MCM3AP: variants seen among roughly 807,000 people sequenced by gnomAD.
The protein encoded by MCM3AP is germinal-center associated nuclear protein.
A neutral mutation model predicts 184.1 loss-of-function variants in MCM3AP; 126 were observed. That is an observed-to-expected ratio of 0.68 (90% CI 0.59 to 0.79). The LOEUF (loss-of-function observed/expected upper bound fraction) is 0.79, where lower values mean the gene tolerates loss of function less well. Ranked by LOEUF, MCM3AP falls within the 30% of genes least tolerant of loss-of-function variation. The pLI is 0.00. For missense variants in MCM3AP, 2,496 were observed against 2,479.2 expected (o/e 1.01, Z -0.14); for synonymous variants, 1,002 against 979.3 (o/e 1.02, Z -0.43).
At chr21:46,276,293 CTAA>C (rs958149419) in intron 5 of MCM3AP, among the ~76,000 whole-genome samples, 17 of 123,696 alleles carry the variant, frequency 1.4e-4, no homozygotes, top group African/African-American at 3.3e-4. Context: ...ATTCTAATAC[CTAA>C]TAATAATTTT....
At position 46,235,318 on chromosome 21, in the gene MCM3AP, C is replaced by T. The variant is rs756080303; in HGVS notation, c.5893G>A (p.Val1965Ile). 3 of 1,614,234 alleles carry T rather than the reference C, an allele frequency of 1.9e-6. No individual in the cohort carries two copies. The highest frequency in any genetic ancestry group is 2.5e-6 in the Non-Finnish European group (3 of 1,180,044). Residue 1965 changes from valine to isoleucine, a missense_variant, in exon 28 of 28, where the codon GTT becomes ATT. Val to Ile is a conservative substitution (Grantham distance 29). Transcript: ENST00000291688. ...GCAGAGAGATGGAGCTCAGAGGCAA[C>T]TTCCTCTTCCCTTGAACTCCGGATC... ...RLIRSSREEEVASELHLSALL... is the reference protein window; with the variant it reads ...RLIRSSREEEIASELHLSALL...
intron 26 of MCM3AP, 121 bp from the exon 27 acceptor site, chr21:46,237,100 ATTT>A (rs10552880): frequency 6.3e-3 from 1,336 of 212,680 alleles, no homozygotes; most frequent in Middle Eastern, 0.015. Context: ...ATTTTATATA[ATTT>A]TTTTTTTTTT....
intron 4 of MCM3AP, among the ~76,000 whole-genome samples, chr21:46,279,479 C>T (rs957888091): frequency 6.6e-6 from 1 of 152,360 alleles, no homozygotes. Context: ...CGCCAGCCTG[C>T]GTGTGTCCCA....
intron 25 of MCM3AP, chr21:46,241,952 G>C (rs1044420355): frequency 6.6e-6 from 1 of 152,304 alleles, no homozygotes; most frequent in African/African-American, 2.4e-5. Flanking sequence ...GAACAAGAAG[G>C]AACAGCAAAG....
rs1438611008 is a variant in MCM3AP, at chr21:46,246,223, G to T, written c.4647+84C>A. The T allele has an allele frequency of 6.1e-6, 5 of 823,028 alleles. No individual in the cohort carries two copies. In the African/African-American group the frequency reaches 6.8e-5, roughly 11 times the overall value. The allele number at this position is 823,028 out of a possible 1,614,324, so 51.0% of individuals were successfully genotyped here. A position where few individuals can be genotyped will look rare whatever the true frequency, so the allele number is the denominator to read the frequency against. ...CTCTTAAGAAAAAGACAATGCAAACGCTAATATACACTCAATTCAAGATAC... is the reference window on the plus strand; with the variant it reads ...CTCTTAAGAAAAAGACAATGCAAACTCTAATATACACTCAATTCAAGATAC... On this transcript the variant is annotated intron_variant, in intron 22 of 27. Coordinates refer to ENST00000291688, the MANE Select transcript of MCM3AP (RefSeq NM_003906.5).
In MCM3AP at chr21:46,240,988, G is replaced by A. The variant is rs766062020; in HGVS notation, c.5456C>T (p.Ala1819Val). 1.2e-6 allele frequency: 2 copies of A among 1,613,854 alleles called. No individual in the cohort carries two copies. Reference sequence around the variant, plus strand: ...AAGCAATGGTATGGGAAAATTGTTTGCAGAAGGATGAAAAGGCTTTATTGC... The same window carrying A: ...AAGCAATGGTATGGGAAAATTGTTTACAGAAGGATGAAAAGGCTTTATTGC... ...RLAIKPFHPS[A>V]NNFPIPLLHM... Residue 1819 changes from alanine (A) to valine (V), a missense_variant, in exon 26 of 28, where the codon GCA becomes GTA. Physicochemically the swap from Ala to Val is moderately conservative, Grantham distance 64. Coordinates refer to ENST00000291688, the MANE Select transcript of MCM3AP (RefSeq NM_003906.5).
At chr21:46,258,894 C>T (rs2080997047) in intron 16 of MCM3AP, 45 bp downstream of exon 16, 1 of 1,608,342 alleles carries the variant, frequency 6.2e-7, no homozygotes, top group Non-Finnish European at 8.5e-7. Flanking sequence ...TTAAAAGACT[C>T]TTCCCCGTGT....
intron 20 of MCM3AP, chr21:46,250,714 A>G (rs912771056): frequency 6.6e-6 from 1 of 152,210 alleles, no homozygotes; most frequent in Non-Finnish European, 1.5e-5. Context: ...CCTAGCCAAC[A>G]TTTTCATTTC....
chr21:46,282,643 A>C (rs2081348293), intron 2 of MCM3AP, among the ~76,000 whole-genome samples: 1 of 151,840 alleles, frequency 6.6e-6, no homozygotes, highest in Admixed American at 6.6e-5. Flanking sequence ...TATCTACTAA[A>C]AATACAAAAA....
chr21:46,277,501 A>T, intron 5 of MCM3AP, 26 bp downstream of exon 5: 1 of 1,509,990 alleles, frequency 6.6e-7, no homozygotes, highest in Non-Finnish European at 8.9e-7. Context: ...CCAGGCCCCT[A>T]GAACCTCTGC....
intron 15 of MCM3AP, 130 bp downstream of exon 15, chr21:46,260,663 C>T: frequency 3.1e-6 from 2 of 642,766 alleles, no homozygotes; most frequent in Non-Finnish European, 5.5e-6. Flanking sequence ...TACATTTGGT[C>T]ACAAAATCAA....
chr21:46,276,270 A>C (rs988534878), intron 5 of MCM3AP, among the ~76,000 whole-genome samples: 26 of 148,000 alleles, frequency 1.8e-4, no homozygotes, highest in Admixed American at 1.2e-3. Flanking sequence ...CGAGGAAAAA[A>C]AAAAAAAGAA....
At chr21:46,273,356 T>A (rs1390125425) in intron 7 of MCM3AP, 32 bp downstream of exon 7, 1 of 1,597,294 alleles carries the variant, frequency 6.3e-7, no homozygotes, top group South Asian at 1.1e-5. Flanking sequence ...TTGCGTGGAT[T>A]TTTTAGCATC....
In MCM3AP at chr21:46,237,871, G is replaced by A. The variant is rs1359081787; in HGVS notation, c.5634-892C>T. Among the ~76,000 whole-genome samples the A allele has an allele frequency of 7.8e-5, 9 of 115,184 alleles. 2 individuals are homozygous for A. The highest frequency in any genetic ancestry group is 2.8e-4 in the South Asian group (1 of 3,612). The allele number at this position is 115,184 out of a possible 152,430, so 75.6% of individuals were successfully genotyped here. On this transcript the variant is annotated intron_variant, in intron 26 of 27. Coordinates refer to ENST00000291688, the MANE Select transcript of MCM3AP (RefSeq NM_003906.5). ...TCCCAACACTTTGGGAGGCCGAGGC[G>A]GGCAGATCACCTGAGGTCAGGAGTT... is the stretch of plus-strand genomic sequence containing the variant.
chr21:46,266,770 C>A, intron 10 of MCM3AP: 1 of 558,394 alleles, frequency 1.8e-6, no homozygotes, highest in South Asian at 2.5e-5. Context: ...TTTGGAGTCA[C>A]AAAGAACTTG....
In MCM3AP at chr21:46,259,073, G is replaced by T; in HGVS notation, c.3600C>A (p.Asp1200Glu). 6.2e-7 allele frequency: 1 copy of T among 1,613,342 alleles called. No homozygotes were observed. Among genetic ancestry groups the T allele is most frequent in the Non-Finnish European group, 8.5e-7 (1 of 1,179,658 alleles). ...SQELKNAVET[D>E]QRVRVARCCE... ...AGCAACGGGCCACACGGACCCTCTG[G>T]TCTGTCTCTACTGCATTCCTAGAAA... The change falls in exon 16 of 28, where the codon GAC (aspartate) becomes GAA (glutamate). Residue 1200 changes from aspartate to glutamate, a missense_variant. Physicochemically the swap from Asp to Glu is conservative, Grantham distance 45 (BLOSUM62 2). Transcript: ENST00000291688.
chr21:46,263,100 C>T (rs569423821), intron 13 of MCM3AP, among the ~76,000 whole-genome samples: 23 of 151,500 alleles, frequency 1.5e-4, no homozygotes, highest in African/African-American at 3.6e-4. Context: ...GAGGCCAAGG[C>T]GGGCGGATCA....
At chr21:46,240,753 T>TC (rs1167873072) in intron 26 of MCM3AP, 58 bp downstream of exon 26, 12 of 1,465,916 alleles carry the variant, frequency 8.2e-6, no homozygotes, top group Non-Finnish European at 1.1e-5. Flanking sequence ...ATAACCAGTC[T>TC]CCCCTCACAG....
chr21:46,285,479 G>T lies in MCM3AP; in HGVS notation c.-193C>A. On this transcript the variant is annotated 5_prime_UTR_variant, in exon 1 of 28. Coordinates refer to ENST00000291688, the MANE Select transcript of MCM3AP (RefSeq NM_003906.5). Reference sequence around the variant, plus strand: ...TTTTTGAACACTGTCATACTAAAAGGATAACTATTTCAAAGGCAGGCAAAG... The same window carrying T: ...TTTTTGAACACTGTCATACTAAAAGTATAACTATTTCAAAGGCAGGCAAAG... The T allele has an allele frequency of 1.7e-6, 1 of 578,560 alleles. No homozygotes were observed. 35.8% of individuals were successfully genotyped at this position (578,560 alleles called of 1,614,324 possible).
Sources: allele counts gnomAD v4.1 joint callset (sites outside exome capture counted in the v4.1 genomes callset), GRCh38; gene constraint gnomAD v4.1.1; transcripts MANE v1.5; gene names NCBI Gene and HGNC (gene_info 2026-07-23, HGNC 2026-07-21).